The following TRDN variants were observed in gnomAD, a reference collection of about 807,000 sequenced individuals.
TRDN encodes the protein triadin in skeletal muscle.
Under a neutral mutation model 149.7 loss-of-function variants are expected in TRDN, and 161 were observed. That is an observed-to-expected ratio of 1.08 (90% CI 0.95 to 1.23). The LOEUF (loss-of-function observed/expected upper bound fraction) is 1.23, where lower values mean the gene tolerates loss of function less well. Ranked by LOEUF, TRDN falls within the 50% of genes most tolerant of loss-of-function variation. The probability of loss-of-function intolerance (pLI) is 0.00; values close to 1 mark genes in which losing one functional copy is unlikely to be tolerated. For synonymous variants in TRDN, 294 were observed against 250.5 expected (o/e 1.17, Z -1.64); for missense variants, 896 against 823.5 (o/e 1.09, Z -1.08).
intron 38 of TRDN, among the ~76,000 whole-genome samples, chr6:123,249,258 G>T (rs1776292409): frequency 6.6e-6 from 1 of 151,950 alleles, no homozygotes; most frequent in African/African-American, 2.4e-5. Flanking sequence ...CAGTCAGAAT[G>T]GCTATTATTA....
intron 9 of TRDN, among the ~76,000 whole-genome samples, chr6:123,488,175 A>G (rs972289759): frequency 3.4e-4 from 52 of 151,992 alleles, no homozygotes; most frequent in African/African-American, 1.2e-3. Context: ...AAAACTCCAC[A>G]CTTGATTATC....
At chr6:123,340,236 C>T (rs1780016520) in intron 21 of TRDN, among the ~76,000 whole-genome samples, 1 of 152,000 alleles carries the variant, frequency 6.6e-6, no homozygotes, top group Non-Finnish European at 1.5e-5. Context: ...GATATCAGCC[C>T]TAGAGTTCTT....
intron 1 of TRDN, among the ~76,000 whole-genome samples, chr6:123,604,263 A>G (rs1029501779): frequency 2.0e-5 from 3 of 152,220 alleles, no homozygotes; most frequent in Non-Finnish European, 2.9e-5. Context: ...TACTGTGAGG[A>G]GGACAACTAA....
intron 1 of TRDN, among the ~76,000 whole-genome samples, chr6:123,584,384 G>A (rs1173487245): frequency 2.7e-5 from 3 of 112,600 alleles, no homozygotes; most frequent in African/African-American, 5.2e-5. Flanking sequence ...GCCGCTGCAC[G>A]GAGACATGAT....
chr6:123,548,499 A>G lies in TRDN; in HGVS notation c.346T>C (p.Ser116Pro), dbSNP rs768047321. The part of the protein sequence containing the change: ...FFSLLSDIIS[S>P]EDEEDDDGDE... ...CCATCATCATCTTCTTCATCTTCAGATGAGATGATGTCAGATAACAAAGAA... is the reference window on the plus strand; with the variant it reads ...CCATCATCATCTTCTTCATCTTCAGGTGAGATGATGTCAGATAACAAAGAA... The change falls in exon 3 of 41, where the codon TCT (serine) becomes CCT (proline). Residue 116 changes from serine (S) to proline (P), a missense_variant. Ser to Pro is a moderately conservative substitution (Grantham distance 74). Transcript: ENST00000334268. The G allele has an allele frequency of 2.5e-5, 39 of 1,578,798 alleles. No individual in the cohort carries two copies. The highest frequency in any genetic ancestry group is 3.6e-5 in the Admixed American group (2 of 55,542).
chr6:123,537,608 A>T (rs78801907), intron 4 of TRDN, among the ~76,000 whole-genome samples: 1 of 152,182 alleles, frequency 6.6e-6, no homozygotes, highest in Non-Finnish European at 1.5e-5. Flanking sequence ...AAATGTTTAC[A>T]TAAGGTCTAT....
intron 10 of TRDN, among the ~76,000 whole-genome samples, chr6:123,456,342 A>G (rs763831071): frequency 2.0e-5 from 3 of 152,134 alleles, no homozygotes; most frequent in Non-Finnish European, 2.9e-5. Context: ...TACATGAGAG[A>G]TTTTACCGTC....
chr6:123,399,053 T>A (rs969377459), intron 12 of TRDN, among the ~76,000 whole-genome samples: 3 of 152,180 alleles, frequency 2.0e-5, no homozygotes, highest in African/African-American at 7.2e-5. Context: ...TCAGAAAAAA[T>A]TTGATTATTT....
intron 16 of TRDN, among the ~76,000 whole-genome samples, chr6:123,380,741 T>A (rs1288749198): frequency 6.6e-6 from 1 of 151,746 alleles, no homozygotes; most frequent in Non-Finnish European, 1.5e-5. Context: ...TTTCTTTTGT[T>A]AAATATATCT....
chr6:123,362,664 CTTCCGTAGAACTTTACCTGTATTTAT>C (rs1370768305), intron 20 of TRDN, among the ~76,000 whole-genome samples: 1 of 152,156 alleles, frequency 6.6e-6, no homozygotes, highest in African/African-American at 2.4e-5. Context: ...AATTTTCAAA[CTTCCGTAGAACTTTACCTGTATTTAT>C]ATCTCTACCC....
intron 10 of TRDN, among the ~76,000 whole-genome samples, chr6:123,451,965 T>C (rs1296514628): frequency 2.0e-5 from 3 of 152,120 alleles, no homozygotes; most frequent in Admixed American, 6.5e-5. Context: ...ATAAATTCAA[T>C]ACACCACATA....
intron 12 of TRDN, among the ~76,000 whole-genome samples, chr6:123,426,869 G>A (rs1352312186): frequency 2.0e-5 from 3 of 151,954 alleles, no homozygotes; most frequent in Admixed American, 6.6e-5. Context: ...TTTATTACAT[G>A]TGCTCCTCAA....
At chr6:123,245,917 C>G (rs769713793) in intron 38 of TRDN, among the ~76,000 whole-genome samples, 1 of 152,114 alleles carries the variant, frequency 6.6e-6, no homozygotes, top group Non-Finnish European at 1.5e-5. Flanking sequence ...CAAATTATAA[C>G]TCAGGATTAA....
intron 1 of TRDN, among the ~76,000 whole-genome samples, chr6:123,584,935 TG>T (rs1783369887): frequency 6.6e-6 from 1 of 151,892 alleles, no homozygotes; most frequent in Non-Finnish European, 1.5e-5. Context: ...ACAGGTAAAA[TG>T]GGGGAATTGT....
intron 21 of TRDN, chr6:123,351,592 C>T (rs989400251): frequency 2.0e-5 from 19 of 971,540 alleles, no homozygotes; most frequent in Non-Finnish European, 2.3e-5. Context: ...CTTAACCAAT[C>T]TTTTTACTTA....
chr6:123,588,745 C>G (rs1381791251), intron 1 of TRDN, among the ~76,000 whole-genome samples: 1 of 152,122 alleles, frequency 6.6e-6, no homozygotes, highest in African/African-American at 2.4e-5. Context: ...GTAAGGATTT[C>G]AACATGAAAG....
Position 123,274,655 on chromosome 6 carries a change from T to C in TRDN, c.1583A>G (p.Lys528Arg), listed in dbSNP as rs771471056. The change falls in exon 27 of 41, where the codon AAA becomes AGA. Residue 528 changes from lysine to arginine, a missense_variant. By Grantham distance (26) the Lys-to-Arg change is conservative (BLOSUM62 2). Transcript: ENST00000334268. ...GCTCATGTTACCTGGTTTTGCTTCT[T>C]TTTTAATTTGGGGCTCTGAGGGAGA... ...KEEKPEPQIK[K>R]EAKPAISEKV... 28 of 1,608,678 alleles carry C rather than the reference T, an allele frequency of 1.7e-5. No individual in the cohort carries two copies. In the South Asian group the frequency reaches 3.1e-4, roughly 18 times the overall value.
intron 9 of TRDN, among the ~76,000 whole-genome samples, chr6:123,489,075 G>C (rs1778094930): frequency 6.6e-6 from 1 of 151,968 alleles, no homozygotes; most frequent in African/African-American, 2.4e-5. Context: ...CCTTAGCCTT[G>C]TATATTTTTA....
chr6:123,343,333 T>C (rs936495001), intron 21 of TRDN, among the ~76,000 whole-genome samples: 5 of 152,000 alleles, frequency 3.3e-5, no homozygotes, highest in African/African-American at 1.2e-4. Flanking sequence ...ATGTTATTCA[T>C]TATATTCTAT....
Sources: allele counts gnomAD v4.1 joint callset (sites outside exome capture counted in the v4.1 genomes callset), GRCh38; gene constraint gnomAD v4.1.1; transcripts MANE v1.5; gene names NCBI Gene and HGNC (gene_info 2026-07-23, HGNC 2026-07-21).